AGMO: variants seen among roughly 807,000 people sequenced by gnomAD.
AGMO encodes the protein glyceryl-ether monooxygenase.
AGMO carries 75 observed loss-of-function variants against 60.2 expected under a neutral mutation model. The observed-to-expected ratio is 1.25, with a 90% CI of 1.03 to 1.51. The LOEUF is 1.51. Among genes scored for constraint, AGMO ranks in the 40% most tolerant of loss-of-function variants. AGMO has a pLI of 0.00. For missense variants in AGMO, 763 were observed against 525.5 expected, an observed-to-expected ratio of 1.45 and a Z score of -4.42; for synonymous variants, 261 against 177.1, an observed-to-expected ratio of 1.47 and a Z score of -3.76.
intron 3 of AGMO, among the ~76,000 whole-genome samples, chr7:15,497,492 GA>G (rs1198190636): frequency 6.6e-6 from 1 of 151,950 alleles, no homozygotes; most frequent in Non-Finnish European, 1.5e-5. Flanking sequence ...TCAAGGCATA[GA>G]AAACTCCACA....
chr7:15,414,925 G>T (rs1302094855), intron 5 of AGMO, among the ~76,000 whole-genome samples: 1 of 152,144 alleles, frequency 6.6e-6, no homozygotes, highest in Non-Finnish European at 1.5e-5. Flanking sequence ...TGGGGCTATA[G>T]TGGTTATGTA....
At chr7:15,299,647 G>A (rs1269316459) in intron 12 of AGMO, among the ~76,000 whole-genome samples, 1 of 152,190 alleles carries the variant, frequency 6.6e-6, no homozygotes, top group East Asian at 1.9e-4. Flanking sequence ...GCAACACGGT[G>A]AAACCCAGTC....
intron 12 of AGMO, among the ~76,000 whole-genome samples, chr7:15,322,426 CTGTG>C (rs1206059914): frequency 8.8e-6 from 1 of 113,690 alleles, no homozygotes; most frequent in Non-Finnish European, 1.8e-5. Flanking sequence ...ATATATATAC[CTGTG>C]TGTGTATATA....
chr7:15,535,572 T>A (rs966366133), intron 3 of AGMO, among the ~76,000 whole-genome samples: 1 of 151,966 alleles, frequency 6.6e-6, no homozygotes, highest in South Asian at 2.1e-4. Flanking sequence ...GCATATTACA[T>A]AGGATACATT....
chr7:15,519,775 C>A (rs1262226013), intron 3 of AGMO, among the ~76,000 whole-genome samples: 1 of 152,050 alleles, frequency 6.6e-6, no homozygotes, highest in East Asian at 1.9e-4. Context: ...CAGCTAGTAT[C>A]ATAATGACAG....
intron 12 of AGMO, among the ~76,000 whole-genome samples, chr7:15,213,840 T>G (rs1190066197): frequency 6.6e-6 from 1 of 151,970 alleles, no homozygotes; most frequent in Non-Finnish European, 1.5e-5. Context: ...TTATGAAAAT[T>G]TTGCAAAGGC....
At chr7:15,311,355 G>A (rs1780765329) in intron 12 of AGMO, among the ~76,000 whole-genome samples, 1 of 151,996 alleles carries the variant, frequency 6.6e-6, no homozygotes, top group South Asian at 2.1e-4. Flanking sequence ...AAAAATCCAG[G>A]AAACATGCCA....
intron 2 of AGMO, among the ~76,000 whole-genome samples, chr7:15,556,312 T>C (rs1306959837): frequency 1.0e-4 from 15 of 148,320 alleles, no homozygotes; most frequent in African/African-American, 1.8e-4. Context: ...AGTATGCATA[T>C]ATATGATTGA....
At chr7:15,328,425 CTAAG>C (rs1200004304) in intron 12 of AGMO, among the ~76,000 whole-genome samples, 3 of 152,054 alleles carry the variant, frequency 2.0e-5, no homozygotes, top group African/African-American at 4.8e-5. Context: ...ATAATTGAGG[CTAAG>C]TAAGGAAGGA....
At chr7:15,184,305 GGGAGGGAGGGAA>G in the AGMO span, among the ~76,000 whole-genome samples, 3 of 116,200 alleles carry the variant, frequency 2.6e-5, no homozygotes, top group African/African-American at 3.2e-5. Flanking sequence ...GAGGCAGGCA[GGGAGGGAGGGAA>G]GGAGGGAAGG....
intron 12 of AGMO, 56 bp downstream of exon 12, chr7:15,365,458 A>C (rs1197617308): frequency 1.7e-6 from 2 of 1,149,886 alleles, no homozygotes; most frequent in African/African-American, 1.6e-5. Context: ...TGAATGAATA[A>C]ATTAAATGTG....
At chr7:15,337,353 T>C (rs993970192) in intron 12 of AGMO, among the ~76,000 whole-genome samples, 1 of 152,208 alleles carries the variant, frequency 6.6e-6, no homozygotes, top group African/African-American at 2.4e-5. Flanking sequence ...TTCTCAATCA[T>C]GCCCGAGAAA....
intron 12 of AGMO, among the ~76,000 whole-genome samples, chr7:15,206,219 G>A (rs1781435694): frequency 6.6e-6 from 1 of 151,812 alleles, no homozygotes; most frequent in Admixed American, 6.6e-5. Flanking sequence ...TTTAGGAACT[G>A]GAAACATCAG....
chr7:15,178,929 T>A, the AGMO span, among the ~76,000 whole-genome samples: 2 of 152,194 alleles, frequency 1.3e-5, no homozygotes, highest in East Asian at 3.9e-4. Context: ...AGAAGGGCAC[T>A]CAAGAATGTG....
intron 9 of AGMO, 67 bp from the exon 10 acceptor site, chr7:15,385,629 A>AAG (rs1489927597): frequency 1.1e-6 from 1 of 889,556 alleles, no homozygotes; most frequent in Admixed American, 2.3e-5. Context: ...AATTCACACT[A>AAG]AGAGATATTT....
chr7:15,556,056 A>T (rs938394973), intron 2 of AGMO, among the ~76,000 whole-genome samples: 2 of 151,894 alleles, frequency 1.3e-5, no homozygotes, highest in Non-Finnish European at 2.9e-5. Context: ...CATCACCCAA[A>T]ATTATATACA....
intron 12 of AGMO, among the ~76,000 whole-genome samples, chr7:15,333,816 T>C (rs1781571539): frequency 6.6e-6 from 1 of 152,062 alleles, no homozygotes; most frequent in African/African-American, 2.4e-5. Flanking sequence ...GTAGTTACAA[T>C]AATTGTAGTT....
chr7:15,259,371 T>A (rs748534864), intron 12 of AGMO, among the ~76,000 whole-genome samples: 3 of 151,416 alleles, frequency 2.0e-5, no homozygotes, highest in South Asian at 4.2e-4. Context: ...GAAAAAAAAA[T>A]TGACAAATGA....
chr7:15,136,765 G>C, the AGMO span, among the ~76,000 whole-genome samples: 12 of 151,778 alleles, frequency 7.9e-5, no homozygotes, highest in Non-Finnish European at 1.8e-4. Flanking sequence ...GTGTGTGTGT[G>C]CACGCGTGCG....
Sources: allele counts gnomAD v4.1 joint callset (sites outside exome capture counted in the v4.1 genomes callset), GRCh38; gene constraint gnomAD v4.1.1; transcripts MANE v1.5; gene names NCBI Gene and HGNC (gene_info 2026-07-23, HGNC 2026-07-21).